Variants in CTNNA3 observed in about 807,000 individuals in gnomAD.
The protein encoded by CTNNA3 is catenin alpha-3.
In CTNNA3, 76 loss-of-function variants were observed where a neutral mutation model predicts 95.7. The observed-to-expected ratio is 0.79, with a 90% confidence interval of 0.66 to 0.96. CTNNA3 has a LOEUF of 0.96. CTNNA3 is among the 40% of genes least tolerant of loss of function. The pLI is 0.00. For synonymous variants in CTNNA3, 431 were observed against 374.4 expected (o/e 1.15, Z -1.74); for missense variants, 1,191 against 1,089.8 (o/e 1.09, Z -1.31).
intron 13 of CTNNA3, among the ~76,000 whole-genome samples, chr10:66,124,587 C>T (rs1233306684): frequency 6.6e-6 from 1 of 152,166 alleles, no homozygotes; most frequent in Non-Finnish European, 1.5e-5. Context: ...TCTGTTTTCA[C>T]ACTGCTGATG....
chr10:67,171,952 AT>A (rs1215696550), intron 7 of CTNNA3, among the ~76,000 whole-genome samples: 1 of 152,092 alleles, frequency 6.6e-6, no homozygotes, highest in Non-Finnish European at 1.5e-5. Context: ...AAAGAAACAC[AT>A]TTGCAAACTA....
At chr10:66,954,275 G>A (rs1372341838) in intron 7 of CTNNA3, among the ~76,000 whole-genome samples, 1 of 152,100 alleles carries the variant, frequency 6.6e-6, no homozygotes, top group Non-Finnish European at 1.5e-5. Context: ...GAATCATGTT[G>A]TAAACCATAT....
At position 66,585,218 on chromosome 10, in the gene CTNNA3, G is replaced by C. The variant is rs542073108; in HGVS notation, c.1374+36474C>G. Among the ~76,000 whole-genome samples the C allele has an allele frequency of 6.6e-5, 10 of 151,878 alleles. No individual in the cohort carries two copies. In the South Asian group the frequency reaches 1.7e-3, roughly 25 times the overall value. On this transcript the variant is annotated intron_variant, in intron 10 of 17. Transcript: ENST00000433211. Reference sequence around the variant, plus strand: ...GAGTTCTTTGACCTTCTTATATTTGGATATCTATGTCACTAGCAAGTCCAG... The same window carrying C: ...GAGTTCTTTGACCTTCTTATATTTGCATATCTATGTCACTAGCAAGTCCAG...
intron 7 of CTNNA3, chr10:67,054,945 T>A (rs2133199340): frequency 6.6e-6 from 1 of 152,288 alleles, no homozygotes; most frequent in South Asian, 2.1e-4. Context: ...CTAACATATA[T>A]GCCAACCCCC....
At chr10:67,367,440 A>G (rs1843258071) in intron 5 of CTNNA3, among the ~76,000 whole-genome samples, 1 of 152,210 alleles carries the variant, frequency 6.6e-6, no homozygotes, top group African/African-American at 2.4e-5. Flanking sequence ...GGCTACAGAG[A>G]AAAGTAAATG....
At chr10:67,567,583 T>A (rs1841851849) in intron 3 of CTNNA3, among the ~76,000 whole-genome samples, 1 of 152,124 alleles carries the variant, frequency 6.6e-6, no homozygotes, top group South Asian at 2.1e-4. Flanking sequence ...CCCCATATAT[T>A]TGTACAAAGA....
chr10:66,815,308 C>G (rs1842033376), intron 7 of CTNNA3, among the ~76,000 whole-genome samples: 1 of 152,008 alleles, frequency 6.6e-6, no homozygotes, highest in African/African-American at 2.4e-5. Context: ...TGAACTTTTC[C>G]TATTCCCATC....
intron 7 of CTNNA3, among the ~76,000 whole-genome samples, chr10:67,097,053 T>C (rs1440428410): frequency 6.6e-6 from 1 of 151,890 alleles, no homozygotes; most frequent in Non-Finnish European, 1.5e-5. Context: ...CAGCATCATA[T>C]AGGAACTTGT....
intron 9 of CTNNA3, among the ~76,000 whole-genome samples, chr10:66,649,875 C>T (rs1233872799): frequency 6.6e-6 from 1 of 152,180 alleles, no homozygotes; most frequent in Non-Finnish European, 1.5e-5. Flanking sequence ...GGGACCCAGC[C>T]TCCAGGTTAA....
intron 10 of CTNNA3, among the ~76,000 whole-genome samples, chr10:66,600,291 A>T (rs1277258171): frequency 2.0e-5 from 3 of 151,900 alleles, no homozygotes; most frequent in African/African-American, 7.2e-5. Flanking sequence ...TATTATTTTA[A>T]AGAAAATAAG....
chr10:67,339,276 A>T (rs924130426), intron 5 of CTNNA3, among the ~76,000 whole-genome samples: 5 of 152,160 alleles, frequency 3.3e-5, no homozygotes, highest in Non-Finnish European at 5.9e-5. Flanking sequence ...CATAAATCCT[A>T]GCTTACCTAT....
intron 7 of CTNNA3, among the ~76,000 whole-genome samples, chr10:66,962,716 C>T (rs1326263976): frequency 6.6e-6 from 1 of 151,994 alleles, no homozygotes; most frequent in Non-Finnish European, 1.5e-5. Flanking sequence ...TGGCCCACCT[C>T]CTCTAAGTCT....
chr10:66,052,896 A>T (rs10740221), intron 15 of CTNNA3, among the ~76,000 whole-genome samples: 80,423 of 151,906 alleles, frequency 0.53, 21,695 homozygotes, highest in South Asian at 0.59. Flanking sequence ...GAGGTTGAGG[A>T]TAAGGTATTA....
intron 7 of CTNNA3, among the ~76,000 whole-genome samples, chr10:66,919,771 G>A (rs1401872540): frequency 6.6e-6 from 1 of 152,144 alleles, no homozygotes; most frequent in Non-Finnish European, 1.5e-5. Flanking sequence ...CTCTGATGAA[G>A]ATCTGGATAT....
chr10:66,775,349 T>G (rs1480875150), intron 8 of CTNNA3, 95 bp downstream of exon 8: 1 of 803,874 alleles, frequency 1.2e-6, no homozygotes, highest in African/African-American at 1.8e-5. Flanking sequence ...TAAATTAATT[T>G]GAAAGGAACA....
At chr10:66,487,114 T>C (rs1193314935) in intron 11 of CTNNA3, among the ~76,000 whole-genome samples, 2 of 149,882 alleles carry the variant, frequency 1.3e-5, no homozygotes, top group Non-Finnish European at 1.5e-5. Context: ...TCAGGGAATC[T>C]AATGTACAGC....
chr10:67,593,562 T>C (rs1412902850), intron 3 of CTNNA3, among the ~76,000 whole-genome samples: 2 of 152,176 alleles, frequency 1.3e-5, no homozygotes, highest in Non-Finnish European at 2.9e-5. Context: ...TTTGCTTGGA[T>C]GTTATTGCTG....
chr10:67,560,624 T>C (rs941826662), intron 3 of CTNNA3, among the ~76,000 whole-genome samples: 6 of 152,158 alleles, frequency 3.9e-5, no homozygotes, highest in Admixed American at 1.3e-4. Context: ...CAGGATCAAA[T>C]TCACACATAA....
In CTNNA3 at chr10:67,207,215, T is replaced by G. The variant is rs577640913; in HGVS notation, c.843+12392A>C. On this transcript the variant is annotated intron_variant, in intron 6 of 17. Coordinates refer to ENST00000433211, the MANE Select transcript of CTNNA3 (RefSeq NM_013266.4). The stretch of plus-strand genomic sequence containing the variant: ...AAATCAATTCCATTGACAGATATAA[T>G]TTTTTAGTCATTATATTAACATGAA... Among the ~76,000 whole-genome samples, 38 of 152,240 alleles carry G rather than the reference T, an allele frequency of 2.5e-4. No individual in the cohort carries two copies. In the South Asian group the frequency reaches 7.9e-3, roughly 32 times the overall value.
Sources: allele counts gnomAD v4.1 joint callset (sites outside exome capture counted in the v4.1 genomes callset), GRCh38; gene constraint gnomAD v4.1.1; transcripts MANE v1.5; gene names NCBI Gene and HGNC (gene_info 2026-07-23, HGNC 2026-07-21).